Variants in CEMIP observed in about 807,000 individuals in gnomAD.
CEMIP encodes cell migration-inducing and hyaluronan-binding protein.
A neutral mutation model predicts 156.9 loss-of-function variants in CEMIP; 105 were observed. The observed-to-expected ratio is 0.67, with a 90% CI of 0.57 to 0.79. The LOEUF (loss-of-function observed/expected upper bound fraction) is 0.79. CEMIP is among the 30% of genes least tolerant of loss of function. The pLI is 0.00. For synonymous variants in CEMIP, 676 were observed against 668.4 expected (o/e 1.01, Z -0.17); for missense variants, 1,457 against 1,769.4 (o/e 0.82, Z 3.17).
At chr15:80,805,396 C>T (rs1396788149) in intron 1 of CEMIP, among the ~76,000 whole-genome samples, 1 of 152,192 alleles carries the variant, frequency 6.6e-6, no homozygotes, top group Non-Finnish European at 1.5e-5. Flanking sequence ...GTTTAAATTG[C>T]CTACTGAGCC....
Position 80,939,732 on chromosome 15 carries a change from G to A in CEMIP, c.3407+1753G>A, listed in dbSNP as rs1901268966. On this transcript the variant is annotated intron_variant, in intron 25 of 29. Transcript: ENST00000394685. ...AGCAACGCCTTAGGGACCAGGAGTTGGGTTATAGGGGGTCTGTTTCCTATG... is the reference window on the plus strand; with the variant it reads ...AGCAACGCCTTAGGGACCAGGAGTTAGGTTATAGGGGGTCTGTTTCCTATG... 4.6e-5 allele frequency among the ~76,000 whole-genome samples: 7 copies of A among 152,280 alleles called. No homozygotes were observed. In the South Asian group the frequency reaches 1.5e-3, roughly 32 times the overall value.
At chr15:80,789,361 C>T (rs1001795289) in intron 1 of CEMIP, among the ~76,000 whole-genome samples, 3 of 152,154 alleles carry the variant, frequency 2.0e-5, no homozygotes, top group Non-Finnish European at 2.9e-5. Context: ...ACTTCCCTTC[C>T]TTTTCGGAGA....
chr15:80,886,938 A>C (rs72740119), intron 7 of CEMIP, among the ~76,000 whole-genome samples: 1,884 of 152,320 alleles, frequency 0.012, 15 homozygotes, highest in Non-Finnish European at 0.019. Flanking sequence ...TTCAGGGGAA[A>C]GTCAGAAACT....
chr15:80,943,006 A>C lies in CEMIP; in HGVS notation c.3761A>C (p.Asn1254Thr), dbSNP rs1901402528. ...DGIQVVVIDG[N>T]QGRVVSHTSF... ...ATCCAGGTGGTGGTGATTGACGGGA[A>C]CCAAGGGCGCGTGGTGAGCCACACG... Residue 1254 changes from asparagine (N) to threonine (T), a missense_variant, in exon 28 of 30, where the codon AAC becomes ACC. Coordinates refer to ENST00000394685, the MANE Select transcript of CEMIP (RefSeq NM_001293298.2). 1 of 1,614,198 alleles carries C rather than the reference A, an allele frequency of 6.2e-7. No individual in the cohort carries two copies. The highest frequency in any genetic ancestry group is 8.5e-7 in the Non-Finnish European group (1 of 1,180,040).
At chr15:80,849,047 A>G (rs1446683495) in intron 1 of CEMIP, among the ~76,000 whole-genome samples, 1 of 129,692 alleles carries the variant, frequency 7.7e-6, no homozygotes, top group African/African-American at 3.0e-5. Context: ...GCTGGAGTGC[A>G]GTGGTGCTAT....
At chr15:80,790,049 C>G (rs1896042436) in intron 1 of CEMIP, among the ~76,000 whole-genome samples, 1 of 152,052 alleles carries the variant, frequency 6.6e-6, no homozygotes, top group African/African-American at 2.4e-5. Context: ...TTGTGGGATA[C>G]GTGGTGCAGA....
chr15:80,929,209 T>G, intron 21 of CEMIP, 35 bp downstream of exon 21: 1 of 1,613,700 alleles, frequency 6.2e-7, no homozygotes. Context: ...TTATTCTGAG[T>G]GGCTTAACCT....
chr15:80,922,218 C>A, intron 17 of CEMIP, 81 bp downstream of exon 17: 2 of 1,568,126 alleles, frequency 1.3e-6, no homozygotes, highest in Non-Finnish European at 1.8e-6. Context: ...GCCGGGACAG[C>A]CAGTTGGCGA....
intron 1 of CEMIP, among the ~76,000 whole-genome samples, chr15:80,838,799 C>T (rs552938946): frequency 7.2e-5 from 11 of 152,304 alleles, no homozygotes; most frequent in Admixed American, 2.0e-4. Flanking sequence ...ATTTTGCAGA[C>T]GAGCACACTG....
chr15:80,942,550 A>T (rs1901383938), intron 27 of CEMIP, among the ~76,000 whole-genome samples: 1 of 152,134 alleles, frequency 6.6e-6, no homozygotes, highest in Admixed American at 6.5e-5. Context: ...TTGCAGACAC[A>T]TTAATCTCTG....
At chr15:80,862,681 C>T (rs561627894) in intron 1 of CEMIP, among the ~76,000 whole-genome samples, 1 of 152,248 alleles carries the variant, frequency 6.6e-6, no homozygotes, top group East Asian at 1.9e-4. Flanking sequence ...GTCCCATGCA[C>T]GAAGATAGCA....
At chr15:80,886,644 G>A (rs1489109492) in intron 7 of CEMIP, among the ~76,000 whole-genome samples, 3 of 152,150 alleles carry the variant, frequency 2.0e-5, no homozygotes, top group Non-Finnish European at 4.4e-5. Flanking sequence ...GCACACAAAT[G>A]TATTTCAGAT....
At chr15:80,894,851 A>C (rs1471319389) in intron 10 of CEMIP, 139 bp from the exon 11 acceptor site, 1 of 1,028,106 alleles carries the variant, frequency 9.7e-7, no homozygotes, top group African/African-American at 1.6e-5. Flanking sequence ...CATTGGGATA[A>C]TCATCTCGGG....
At chr15:80,923,658 T>C (rs1460422240) in intron 17 of CEMIP, among the ~76,000 whole-genome samples, 5 of 152,032 alleles carry the variant, frequency 3.3e-5, no homozygotes, top group Non-Finnish European at 7.4e-5. Flanking sequence ...GATTCGATTG[T>C]CTAAGCCAAG....
At position 80,900,585 on chromosome 15, in the gene CEMIP, G is replaced by GGTGTGTGTGTGTGTGT. The variant is rs57724852; in HGVS notation, c.1411+4574_1411+4589dup. ...CAGCACCAGAAAAGCCCCAGGTAGG[G>GGTGTGTGTGTGTGTGT]GTGTGTGTGTGTGTGTGTGTGTGTG... is the stretch of plus-strand genomic sequence containing the variant. On this transcript the variant is annotated intron_variant, in intron 12 of 29. Coordinates refer to ENST00000394685, the MANE Select transcript of CEMIP (RefSeq NM_001293298.2). Among the ~76,000 whole-genome samples, 248 of 74,868 alleles carry GGTGTGTGTGTGTGTGT rather than the reference G, an allele frequency of 3.3e-3. 6 individuals carry two copies. The highest frequency in any genetic ancestry group is 7.5e-3 in the East Asian group (14 of 1,862). 49.1% of individuals were successfully genotyped at this position (74,868 alleles called of 152,430 possible).
chr15:80,860,777 A>G (rs569931391), intron 1 of CEMIP, among the ~76,000 whole-genome samples: 5 of 150,956 alleles, frequency 3.3e-5, no homozygotes, highest in Admixed American at 1.3e-4. Flanking sequence ...CCCTCAACTT[A>G]CCCTACCCCT....
intron 13 of CEMIP, among the ~76,000 whole-genome samples, chr15:80,907,232 A>G (rs1419605381): frequency 1.3e-5 from 2 of 152,232 alleles, no homozygotes; most frequent in Admixed American, 1.3e-4. Flanking sequence ...ATCCATTACC[A>G]TATAGATAAA....
intron 14 of CEMIP, among the ~76,000 whole-genome samples, chr15:80,916,159 T>C (rs1314745078): frequency 6.6e-6 from 1 of 152,236 alleles, no homozygotes; most frequent in Non-Finnish European, 1.5e-5. Flanking sequence ...GAATGGTCCA[T>C]TTTAGACGTG....
intron 28 of CEMIP, among the ~76,000 whole-genome samples, chr15:80,943,334 C>T (rs1901415999): frequency 6.6e-6 from 1 of 152,220 alleles, no homozygotes; most frequent in Admixed American, 6.5e-5. Flanking sequence ...GGCGGGACAG[C>T]CCCGCTGCAC....
Sources: gnomAD v4.1 joint callset for allele counts (sites outside exome capture counted in the v4.1 genomes callset) on GRCh38, gnomAD v4.1.1 for gene constraint, MANE v1.5 for transcripts, NCBI Gene and HGNC (gene_info 2026-07-23, HGNC 2026-07-21) for gene names.